The following ELSPBP1 variants were observed in gnomAD, a reference collection of about 807,000 sequenced individuals.
The protein encoded by ELSPBP1 is epididymal sperm binding protein 1, also known as epididymal sperm-binding protein 1.
ELSPBP1 carries 38 observed loss-of-function variants against 33.3 expected under a neutral mutation model. The observed-to-expected ratio is 1.14, with a 90% CI of 0.88 to 1.50. ELSPBP1 has a LOEUF of 1.50. Ranked by LOEUF, ELSPBP1 falls within the 40% of genes most tolerant of loss-of-function variation. ELSPBP1 has a pLI of 0.00. For missense variants in ELSPBP1, 267 were observed against 263.5 expected (o/e 1.01, Z -0.09); for synonymous variants, 85 against 94.1 (o/e 0.90, Z 0.56).
At chr19:48,000,882 C>T in intron 1 of ELSPBP1, among the ~76,000 whole-genome samples, 1 of 152,210 alleles carries the variant, frequency 6.6e-6, no homozygotes, top group East Asian at 1.9e-4. Context: ...TTTTCAGCCC[C>T]CTGTGTGTGC....
At chr19:48,022,673 T>C (rs1967214847) in intron 6 of ELSPBP1, among the ~76,000 whole-genome samples, 1 of 152,098 alleles carries the variant, frequency 6.6e-6, no homozygotes, top group Admixed American at 6.6e-5. Context: ...ATTCCAAGTT[T>C]CAAGTCTGGG....
chr19:48,013,981 C>T (rs1204554873), intron 2 of ELSPBP1, among the ~76,000 whole-genome samples, 190 bp from the exon 3 acceptor site: 8 of 152,074 alleles, frequency 5.3e-5, no homozygotes, highest in African/African-American at 1.7e-4. Flanking sequence ...TCTGCCCTTA[C>T]GACCTAATCA....
In ELSPBP1 at chr19:48,019,728, G is replaced by A. The variant is rs1294881333; in HGVS notation, c.365G>A (p.Gly122Glu). 5 of 1,613,670 alleles carry A rather than the reference G, an allele frequency of 3.1e-6. No homozygotes were observed. The highest frequency in any genetic ancestry group is 1.1e-5 in the South Asian group (1 of 91,008). ...CCATAATCCTTTTCAGAGTATGGGG[G>A]AAATTCTCTCAGGAAGCCCTGCATC... ...WKFCETNEYG[G>E]NSLRKPCIFP... The change falls in exon 5 of 7, where the codon GGA becomes GAA. Residue 122 changes from glycine to glutamate, a missense_variant. Gly to Glu is a moderately conservative substitution (Grantham distance 98). Transcript: ENST00000339841.
At chr19:48,006,886 A>G (rs187792629) in intron 1 of ELSPBP1, among the ~76,000 whole-genome samples, 405 of 152,250 alleles carry the variant, frequency 2.7e-3, no homozygotes, top group African/African-American at 9.4e-3. Flanking sequence ...AACGACAAGA[A>G]AAAGGGAGAA....
Position 48,019,888 on chromosome 19 carries a change from G to A in ELSPBP1, c.514+11G>A, listed in dbSNP as rs775880937. 1 of 1,317,614 alleles carries A rather than the reference G, an allele frequency of 7.6e-7. No homozygotes were observed. The highest frequency in any genetic ancestry group is 2.8e-5 in the East Asian group (1 of 35,500). 81.6% of individuals were successfully genotyped at this position (1,317,614 alleles called of 1,614,324 possible). Reference sequence around the variant, plus strand: ...TCTGTGCCGACACCAGTAATCTGGGGATGGGGGTTGGGTGGGTGTGGGTGG... The same window carrying A: ...TCTGTGCCGACACCAGTAATCTGGGAATGGGGGTTGGGTGGGTGTGGGTGG... On this transcript the variant is annotated intron_variant, in intron 5 of 6. Coordinates refer to ENST00000339841, the MANE Select transcript of ELSPBP1 (RefSeq NM_022142.5).
At chr19:48,008,137 T>C (rs1156562975) in intron 1 of ELSPBP1, among the ~76,000 whole-genome samples, 1 of 152,148 alleles carries the variant, frequency 6.6e-6, no homozygotes, top group Non-Finnish European at 1.5e-5. Context: ...CAGCCTGTGC[T>C]TCCAGGCTAC....
intron 1 of ELSPBP1, among the ~76,000 whole-genome samples, chr19:48,005,708 A>G (rs1438067349): frequency 2.0e-5 from 3 of 152,184 alleles, no homozygotes. Flanking sequence ...GTCCGGTCCC[A>G]TGTTAAGCCT....
intron 1 of ELSPBP1, among the ~76,000 whole-genome samples, chr19:48,007,808 G>A (rs1967037182): frequency 2.0e-5 from 3 of 152,084 alleles, no homozygotes; most frequent in Admixed American, 2.0e-4. Context: ...TTCCTCCCTG[G>A]GTGACCAATC....
intron 2 of ELSPBP1, among the ~76,000 whole-genome samples, chr19:48,013,288 C>G (rs1157192468): frequency 1.3e-5 from 2 of 152,188 alleles, no homozygotes. Context: ...GTGTATGAAA[C>G]TCTTCCCCAG....
intron 2 of ELSPBP1, among the ~76,000 whole-genome samples, chr19:48,009,125 A>G (rs1967052261): frequency 8.4e-6 from 1 of 119,498 alleles, no homozygotes; most frequent in Non-Finnish European, 1.7e-5. Flanking sequence ...GACAAGAGCA[A>G]AACTCCCTCT....
At chr19:47,998,335 C>T (rs573527959) in intron 1 of ELSPBP1, among the ~76,000 whole-genome samples, 18 of 151,562 alleles carry the variant, frequency 1.2e-4, no homozygotes, top group African/African-American at 4.1e-4. Context: ...TCGCTTGAAC[C>T]GGGGGACAGA....
chr19:48,022,426 C>T, intron 6 of ELSPBP1, 92 bp downstream of exon 6: 2 of 1,174,756 alleles, frequency 1.7e-6, no homozygotes, highest in South Asian at 1.9e-5. Flanking sequence ...GCGAGATCTG[C>T]TTTTTCAAGC....
intron 1 of ELSPBP1, among the ~76,000 whole-genome samples, chr19:48,003,544 T>TC (rs1354691185): frequency 1.3e-5 from 2 of 150,036 alleles, no homozygotes; most frequent in African/African-American, 4.9e-5. Flanking sequence ...CTGCTCTTTT[T>TC]TTTTTTTTTT....
intron 1 of ELSPBP1, among the ~76,000 whole-genome samples, chr19:48,004,536 TCTC>T (rs1307926981): frequency 2.0e-5 from 3 of 152,024 alleles, no homozygotes; most frequent in Non-Finnish European, 4.4e-5. Context: ...CACGTCGGCT[TCTC>T]CTGCCTGGAT....
chr19:48,021,423 A>G (rs1348739118), intron 5 of ELSPBP1, among the ~76,000 whole-genome samples: 10 of 130,738 alleles, frequency 7.6e-5, no homozygotes, highest in Non-Finnish European at 9.8e-5. Flanking sequence ...TTTTTTTTTT[A>G]CTTTTTATAT....
At chr19:48,024,406 A>G (rs1967248498) in intron 6 of ELSPBP1, among the ~76,000 whole-genome samples, 1 of 152,212 alleles carries the variant, frequency 6.6e-6, no homozygotes, top group South Asian at 2.1e-4. Flanking sequence ...CCCTTTCATC[A>G]GATGTGTAGA....
At chr19:48,022,480 T>G in intron 6 of ELSPBP1, 146 bp downstream of exon 6, 1 of 651,822 alleles carries the variant, frequency 1.5e-6, no homozygotes, top group Non-Finnish European at 2.4e-6. Context: ...ATCTGTTGCT[T>G]TTCCAGCATG....
At chr19:48,022,116 C>G in intron 5 of ELSPBP1, 54 bp from the exon 6 acceptor site, 1 of 1,547,364 alleles carries the variant, frequency 6.5e-7, no homozygotes, top group Non-Finnish European at 8.8e-7. Flanking sequence ...CACGCCTCTA[C>G]GACAGTGTGA....
chr19:48,021,101 C>T (rs547529589), intron 5 of ELSPBP1, among the ~76,000 whole-genome samples: 17 of 152,182 alleles, frequency 1.1e-4, no homozygotes, highest in Admixed American at 2.0e-4. Flanking sequence ...ACATCATTTA[C>T]GTCCTCATCT....
Sources: allele counts gnomAD v4.1 joint callset (sites outside exome capture counted in the v4.1 genomes callset), GRCh38; gene constraint gnomAD v4.1.1; transcripts MANE v1.5; gene names NCBI Gene and HGNC (gene_info 2026-07-23, HGNC 2026-07-21).